Variants in OGFRL1 observed in about 807,000 individuals in gnomAD.
The protein encoded by OGFRL1 is opioid growth factor receptor-like protein 1.
A neutral mutation model predicts 32.4 loss-of-function variants in OGFRL1; 26 were observed. The ratio of observed to expected loss-of-function variants is 0.80; its 90% CI spans 0.59 to 1.11. The LOEUF is 1.11. Among genes scored for constraint, OGFRL1 ranks in the 50% most tolerant of loss-of-function variants. The probability of loss-of-function intolerance (pLI) is 0.00; values close to 1 mark genes in which losing one functional copy is unlikely to be tolerated. For synonymous variants in OGFRL1, 211 were observed against 201.2 expected, an observed-to-expected ratio of 1.05 and a Z score of -0.41; for missense variants, 521 against 546.4, an observed-to-expected ratio of 0.95 and a Z score of 0.46.
In OGFRL1 at chr6:71,308,145, G is replaced by A. The variant is rs1010553117; in HGVS notation, c.*6096G>A. The stretch of plus-strand genomic sequence containing the variant: ...GCTACCAAGTTTAATTCCTTTGCCT[G>A]TGTGTAGCAACAGTTGGTAGTTTTA... On this transcript the variant is annotated 3_prime_UTR_variant, in exon 7 of 7. Transcript: ENST00000370435. 3 of 152,238 alleles carry A rather than the reference G, an allele frequency of 2.0e-5. No individual in the cohort carries two copies. The highest frequency in any genetic ancestry group is 4.4e-5 in the Non-Finnish European group (3 of 68,056). 9.4% of individuals were successfully genotyped at this position (152,238 alleles called of 1,614,324 possible).
At position 71,302,176 on chromosome 6, in the gene OGFRL1, A is replaced by G; in HGVS notation, c.*127A>G. 2 of 770,636 alleles carry G rather than the reference A, an allele frequency of 2.6e-6. No homozygotes were observed. Among genetic ancestry groups the G allele is most frequent in the African/African-American group, 1.8e-5 (1 of 55,616 alleles). 47.7% of individuals were successfully genotyped at this position (770,636 alleles called of 1,614,324 possible). ...TCTGTTTGTGATTTCTGTCATAAGCATTTTGTTGTTTGTTTTTTTATTTTG... is the reference window on the plus strand; with the variant it reads ...TCTGTTTGTGATTTCTGTCATAAGCGTTTTGTTGTTTGTTTTTTTATTTTG... On this transcript the variant is annotated 3_prime_UTR_variant, in exon 7 of 7. Coordinates refer to ENST00000370435, the MANE Select transcript of OGFRL1 (RefSeq NM_024576.5).
At chr6:71,301,335 C>A (rs1261767523) in intron 6 of OGFRL1, 51 bp from the exon 7 acceptor site, 4 of 1,408,960 alleles carry the variant, frequency 2.8e-6, no homozygotes, top group Non-Finnish European at 3.9e-6. Context: ...CATTCTCCTG[C>A]CTTCCTACAC....
At chr6:71,300,068 A>G (rs1022702210) in intron 6 of OGFRL1, among the ~76,000 whole-genome samples, 1 of 152,200 alleles carries the variant, frequency 6.6e-6, no homozygotes. Flanking sequence ...TTCCCAAGTA[A>G]TTTGCTAATT....
chr6:71,300,640 C>A (rs1328103537), intron 6 of OGFRL1, among the ~76,000 whole-genome samples: 2 of 152,022 alleles, frequency 1.3e-5, no homozygotes, highest in East Asian at 3.9e-4. Flanking sequence ...GTTCTATATA[C>A]CCAGCATGTG....
At chr6:71,296,453 GACA>G (rs1352161129) in intron 4 of OGFRL1, 39 bp from the exon 5 acceptor site, 2 of 1,594,942 alleles carry the variant, frequency 1.3e-6, no homozygotes, top group Admixed American at 1.7e-5. Flanking sequence ...ATGTTTTCCA[GACA>G]ACGTTAATAG....
chr6:71,292,430 T>C (rs1766079283), intron 1 of OGFRL1, among the ~76,000 whole-genome samples: 1 of 152,224 alleles, frequency 6.6e-6, no homozygotes, highest in Admixed American at 6.5e-5. Flanking sequence ...GCAAAGCTTT[T>C]AATGACTCTT....
rs1332460619 is a variant in OGFRL1, at chr6:71,304,564, A to G, written c.*2515A>G. ...CAGATATTATGATATTAATAAAGTT[A>G]CCAGATACTAAAATCAATGAATGTA... On this transcript the variant is annotated 3_prime_UTR_variant, in exon 7 of 7. Transcript: ENST00000370435. 6.6e-6 allele frequency: 1 copy of G among 152,156 alleles called. No individual in the cohort carries two copies. The highest frequency in any genetic ancestry group is 1.9e-4 in the East Asian group (1 of 5,194). The allele number at this position is 152,156 out of a possible 1,614,324, so 9.4% of individuals were successfully genotyped here. A position where few individuals can be genotyped will look rare whatever the true frequency, so the allele number is the denominator to read the frequency against.
intron 3 of OGFRL1, among the ~76,000 whole-genome samples, chr6:71,294,243 A>C (rs1002026536): frequency 1.3e-5 from 2 of 152,090 alleles, no homozygotes; most frequent in African/African-American, 4.8e-5. Context: ...CTGCTATGGT[A>C]ATATGACCAC....
intron 1 of OGFRL1, chr6:71,291,772 C>T (rs1766058900): frequency 6.6e-6 from 1 of 152,190 alleles, no homozygotes; most frequent in African/African-American, 2.4e-5. Context: ...TAAGGCCTCA[C>T]AAATACAAGT....
At position 71,304,904 on chromosome 6, in the gene OGFRL1, G is replaced by T. The variant is rs1447268065; in HGVS notation, c.*2855G>T. The T allele has an allele frequency of 1.3e-5, 2 of 151,946 alleles. No homozygotes were observed. Among genetic ancestry groups the T allele is most frequent in the Non-Finnish European group, 2.9e-5 (2 of 67,902 alleles). The allele number at this position is 151,946 out of a possible 1,614,324, so 9.4% of individuals were successfully genotyped here. On this transcript the variant is annotated 3_prime_UTR_variant, in exon 7 of 7. Transcript: ENST00000370435. ...CATTCCTTTTGGAGATAAACATTGA[G>T]TGTCTAGAATTTTTTTCTATTAATG...
Position 71,296,735 on chromosome 6 carries a change from T to C in OGFRL1, c.610T>C (p.Phe204Leu). ...FLLAYKMMLE[F>L]FGIKLTDKTG... is the part of the protein sequence containing the mutation. ...CCTGGCTTATAAAATGATGCTAGAA[T>C]TTTTTGGAATAAAACTGACTGATAA... Residue 204 changes from phenylalanine (F) to leucine (L), a missense_variant, in exon 6 of 7, where the codon TTT (phenylalanine) becomes CTT (leucine). By Grantham distance (22) the Phe-to-Leu change is conservative. Coordinates refer to ENST00000370435, the MANE Select transcript of OGFRL1 (RefSeq NM_024576.5). 1 of 1,613,618 alleles carries C rather than the reference T, an allele frequency of 6.2e-7. No homozygotes were observed.
chr6:71,298,097 G>T (rs1404723871), intron 6 of OGFRL1, among the ~76,000 whole-genome samples: 1 of 151,708 alleles, frequency 6.6e-6, no homozygotes, highest in Admixed American at 6.6e-5. Flanking sequence ...TATAATCAAT[G>T]ATATTAAAAT....
intron 3 of OGFRL1, among the ~76,000 whole-genome samples, chr6:71,294,851 C>T (rs905523108): frequency 9.9e-5 from 15 of 152,022 alleles, no homozygotes; most frequent in South Asian, 2.1e-4. Context: ...GAATTTCATA[C>T]AATTTTCCTA....
At chr6:71,290,521 A>C (rs1411224278) in intron 1 of OGFRL1, among the ~76,000 whole-genome samples, 7 of 152,202 alleles carry the variant, frequency 4.6e-5, no homozygotes, top group Non-Finnish European at 1.0e-4. Flanking sequence ...ACATTTTAAT[A>C]ATGTTCAGTC....
At chr6:71,296,455 C>T (rs1283395553) in intron 4 of OGFRL1, 40 bp from the exon 5 acceptor site, 5 of 1,593,264 alleles carry the variant, frequency 3.1e-6, no homozygotes. Context: ...GTTTTCCAGA[C>T]AACGTTAATA....
chr6:71,289,727 G>A, intron 1 of OGFRL1: 3 of 985,272 alleles, frequency 3.0e-6, no homozygotes, highest in Non-Finnish European at 3.6e-6. Flanking sequence ...AGGATTCAGG[G>A]CATTCTTCAC....
chr6:71,301,668 C>T lies in OGFRL1; in HGVS notation c.975C>T (p.Ala325=), dbSNP rs1395153446. The change falls in exon 7 of 7, where the codon GCC becomes GCT. Residue 325 remains alanine (A), a synonymous_variant. Coordinates refer to ENST00000370435, the MANE Select transcript of OGFRL1 (RefSeq NM_024576.5). ...PRKEQSEGSK[A]QKMSSPLASS... Reference sequence around the variant, plus strand: ...AAGAACAGTCGGAGGGAAGCAAAGCCCAGAAAATGTCTTCCCCTCTCGCCT... The same window carrying T: ...AAGAACAGTCGGAGGGAAGCAAAGCTCAGAAAATGTCTTCCCCTCTCGCCT... 7 of 1,613,800 alleles carry T rather than the reference C, an allele frequency of 4.3e-6. No homozygotes were observed. Among genetic ancestry groups the T allele is most frequent in the African/African-American group, 2.7e-5 (2 of 74,848 alleles).
At chr6:71,297,183 T>C (rs757928140) in intron 6 of OGFRL1, among the ~76,000 whole-genome samples, 52 of 152,188 alleles carry the variant, frequency 3.4e-4, no homozygotes, top group Non-Finnish European at 7.1e-4. Context: ...TGTAAGCTTC[T>C]TGGGGCACAA....
In OGFRL1 at chr6:71,288,897, C is replaced by T; in HGVS notation, c.-40C>T. 8.1e-7 allele frequency: 1 copy of T among 1,240,184 alleles called. No individual in the cohort carries two copies. Among genetic ancestry groups the T allele is most frequent in the Non-Finnish European group, 1.0e-6 (1 of 974,956 alleles). 76.8% of individuals were successfully genotyped at this position (1,240,184 alleles called of 1,614,324 possible). ...CTAGAGCGCCTGCCGCAGCTTGCGCCCCGCAGCCCCGCAGCCCCGCGCCCG... is the reference window on the plus strand; with the variant it reads ...CTAGAGCGCCTGCCGCAGCTTGCGCTCCGCAGCCCCGCAGCCCCGCGCCCG... On this transcript the variant is annotated 5_prime_UTR_variant, in exon 1 of 7. Coordinates refer to ENST00000370435, the MANE Select transcript of OGFRL1 (RefSeq NM_024576.5).
Sources: gnomAD v4.1 joint callset for allele counts (sites outside exome capture counted in the v4.1 genomes callset) on GRCh38, gnomAD v4.1.1 for gene constraint, MANE v1.5 for transcripts, NCBI Gene and HGNC (gene_info 2026-07-23, HGNC 2026-07-21) for gene names.